Variants in KLRG1 observed in about 807,000 individuals in gnomAD.
KLRG1 encodes killer cell lectin-like receptor subfamily G member 1.
Under a neutral mutation model 21.8 loss-of-function variants are expected in KLRG1, and 16 were observed. The observed-to-expected ratio is 0.73, with a 90% confidence interval of 0.50 to 1.11. KLRG1 has a LOEUF of 1.11. KLRG1 is among the 50% of genes most tolerant of loss of function. The pLI, the probability that KLRG1 is intolerant of heterozygous loss-of-function variation, is 0.00. For missense variants in KLRG1, 173 were observed against 218.3 expected (o/e 0.79, Z 1.31); for synonymous variants, 69 against 75.9 (o/e 0.91, Z 0.47).
intron 3 of KLRG1, among the ~76,000 whole-genome samples, chr12:9,006,845 T>A (rs1212226935): frequency 6.6e-6 from 1 of 152,212 alleles, no homozygotes; most frequent in African/African-American, 2.4e-5. Context: ...TATCTTCAGA[T>A]AGGAGGACAG....
At chr12:9,053,010 G>A in the KLRG1 span, among the ~76,000 whole-genome samples, 2 of 152,084 alleles carry the variant, frequency 1.3e-5, no homozygotes, top group African/African-American at 2.4e-5. Context: ...GTTCAACCTC[G>A]TTTTGTTATA....
the KLRG1 span, among the ~76,000 whole-genome samples, chr12:9,187,120 G>A: frequency 1.4e-5 from 2 of 147,652 alleles, no homozygotes; most frequent in African/African-American, 5.0e-5. Flanking sequence ...AATGGTAAAG[G>A]GTTTAATTCA....
At chr12:9,065,264 G>C in the KLRG1 span, 1 of 149,470 alleles carries the variant, frequency 6.7e-6, no homozygotes, top group Non-Finnish European at 1.5e-5. Flanking sequence ...CGCCCCTTCC[G>C]AACTGGTGGA....
At chr12:9,057,869 G>C in the KLRG1 span, 1 of 152,182 alleles carries the variant, frequency 6.6e-6, no homozygotes, top group East Asian at 1.9e-4. Context: ...GGCTCACATA[G>C]GGAGCAGTTG....
the KLRG1 span, chr12:9,112,132 A>T: frequency 6.2e-7 from 1 of 1,611,858 alleles, no homozygotes; most frequent in Non-Finnish European, 8.5e-7. Flanking sequence ...ACAGACAATC[A>T]TTTTATGTAG....
the KLRG1 span, among the ~76,000 whole-genome samples, chr12:9,193,057 A>G: frequency 3.3e-5 from 5 of 152,230 alleles, no homozygotes; most frequent in African/African-American, 7.2e-5. Context: ...GATTTTTCAG[A>G]TATTAGAATT....
chr12:8,980,298 A>T (rs1162704759), intron 1 of KLRG1, among the ~76,000 whole-genome samples: 2 of 151,676 alleles, frequency 1.3e-5, no homozygotes, highest in South Asian at 4.1e-4. Flanking sequence ...ATTGTTTCTG[A>T]TATCACTGAG....
At chr12:8,982,645 T>A (rs1946772901) in intron 1 of KLRG1, among the ~76,000 whole-genome samples, 2 of 138,340 alleles carry the variant, frequency 1.4e-5, no homozygotes, top group Non-Finnish European at 3.1e-5. Flanking sequence ...AGACAATATC[T>A]TTTTTTTTTT....
At chr12:9,164,277 G>A in the KLRG1 span, 2 of 1,610,406 alleles carry the variant, frequency 1.2e-6, no homozygotes, top group South Asian at 1.1e-5. Flanking sequence ...CCCATGTGAG[G>A]CAGAGACAGA....
the KLRG1 span, chr12:9,157,967 C>T: frequency 1.2e-6 from 1 of 831,074 alleles, no homozygotes; most frequent in African/African-American, 1.7e-5. Context: ...TTCTCTCTCT[C>T]TCTCTCGACA....
At chr12:9,127,804 G>C in the KLRG1 span, 1 of 217,638 alleles carries the variant, frequency 4.6e-6, no homozygotes, top group Non-Finnish European at 9.6e-6. Flanking sequence ...CCTGGACAAG[G>C]TGCGGGCTCT....
At chr12:8,984,504 C>T (rs1946810510) in intron 1 of KLRG1, among the ~76,000 whole-genome samples, 1 of 152,074 alleles carries the variant, frequency 6.6e-6, no homozygotes, top group South Asian at 2.1e-4. Context: ...TCCACCTGCC[C>T]CCGCCTCCCA....
chr12:9,024,721 A>C, the KLRG1 span, among the ~76,000 whole-genome samples: 1 of 152,224 alleles, frequency 6.6e-6, no homozygotes, highest in East Asian at 1.9e-4. Context: ...CAGGCTCTTC[A>C]TGATTATGAT....
chr12:8,992,109 G>A, intron 1 of KLRG1, 97 bp from the exon 2 acceptor site: 1 of 960,524 alleles, frequency 1.0e-6, no homozygotes, highest in Non-Finnish European at 1.6e-6. Context: ...TTCCCACTAG[G>A]CCAAATTGCT....
At chr12:9,119,997 G>A in the KLRG1 span, among the ~76,000 whole-genome samples, 1 of 152,170 alleles carries the variant, frequency 6.6e-6, no homozygotes, top group Non-Finnish European at 1.5e-5. Flanking sequence ...ACTGCTCTGA[G>A]CCTCAGCTTT....
the KLRG1 span, chr12:9,202,284 A>C: frequency 6.4e-7 from 1 of 1,570,658 alleles, no homozygotes; most frequent in South Asian, 1.1e-5. Flanking sequence ...TTCCCACTCT[A>C]CCCACAACCC....
chr12:9,096,024 G>A, the KLRG1 span, among the ~76,000 whole-genome samples: 1 of 152,058 alleles, frequency 6.6e-6, no homozygotes, highest in Non-Finnish European at 1.5e-5. Context: ...CTCCCAAAGT[G>A]CTGGGATTAC....
At chr12:8,970,483 AAGTTTTCCCACAATGAAAGCTTT>A (rs1202635722) in intron 1 of KLRG1, 1 of 152,228 alleles carries the variant, frequency 6.6e-6, no homozygotes, top group African/African-American at 2.4e-5. Context: ...TTTATGGTTA[AAGTTTTCCCACAATGAAAGCTTT>A]GGGCCCAGAT....
the KLRG1 span, among the ~76,000 whole-genome samples, chr12:9,049,327 C>T: frequency 2.6e-5 from 4 of 152,088 alleles, no homozygotes; most frequent in South Asian, 2.1e-4. Context: ...ATGCCGGTGG[C>T]GGAGTGGGTG....
Sources: gnomAD v4.1 joint callset for allele counts (sites outside exome capture counted in the v4.1 genomes callset) on GRCh38, gnomAD v4.1.1 for gene constraint, MANE v1.5 for transcripts, NCBI Gene and HGNC (gene_info 2026-07-23, HGNC 2026-07-21) for gene names.